Variants in RSPRY1 observed in about 807,000 individuals in gnomAD.
RSPRY1 encodes the protein ring finger and SPRY domain containing 1.
RSPRY1 carries 23 observed loss-of-function variants against 73.1 expected under a neutral mutation model. The ratio of observed to expected loss-of-function variants is 0.31; its 90% CI spans 0.23 to 0.45. The LOEUF (loss-of-function observed/expected upper bound fraction) is 0.45, where lower values mean the gene tolerates loss of function less well. Among genes scored for constraint, RSPRY1 ranks in the 20% least tolerant of loss-of-function variants. RSPRY1 has a pLI of 1.00. For missense variants in RSPRY1, 448 were observed against 698.7 expected, an observed-to-expected ratio of 0.64 and a Z score of 4.05; for synonymous variants, 226 against 251.4, an observed-to-expected ratio of 0.90 and a Z score of 0.95.
At chr16:57,201,444 G>A (rs1286088387) in intron 1 of RSPRY1, among the ~76,000 whole-genome samples, 3 of 150,268 alleles carry the variant, frequency 2.0e-5, no homozygotes, top group African/African-American at 7.3e-5. Flanking sequence ...TGGGATGGCG[G>A]CCGGGCAGAG....
rs752364013 is a variant in RSPRY1 at position 57,212,960 on chromosome 16, T to C, written c.517-12T>C. The C allele has an allele frequency of 1.2e-6, 2 of 1,613,146 alleles. No individual in the cohort carries two copies. Among genetic ancestry groups the C allele is most frequent in the South Asian group, 2.2e-5 (2 of 91,026 alleles). On this transcript the variant is annotated splice_polypyrimidine_tract_variant and intron_variant, in intron 4 of 14. Coordinates refer to ENST00000394420, the MANE Select transcript of RSPRY1 (RefSeq NM_133368.3). ...TATATGGGTCAAACCCACTTGTACT[T>C]TTTTGTTTTAGGATGCACTCCAGAA...
At chr16:57,203,516 T>G (rs182449629) in intron 1 of RSPRY1, among the ~76,000 whole-genome samples, 37 of 152,328 alleles carry the variant, frequency 2.4e-4, no homozygotes, top group African/African-American at 7.0e-4. Context: ...TTGTTTGTTT[T>G]TTTACTTTTT....
At chr16:57,197,077 C>G (rs1333483221) in intron 1 of RSPRY1, among the ~76,000 whole-genome samples, 1 of 152,166 alleles carries the variant, frequency 6.6e-6, no homozygotes, top group Non-Finnish European at 1.5e-5. Flanking sequence ...AATCTGTAAG[C>G]TCAGTTTTAT....
Position 57,186,438 on chromosome 16 carries a change from G to T in RSPRY1, c.-169G>T. 1.3e-5 allele frequency: 2 copies of T among 155,774 alleles called. No homozygotes were observed. Among genetic ancestry groups the T allele is most frequent in the South Asian group, 3.6e-4 (2 of 5,622 alleles). 9.6% of individuals were successfully genotyped at this position (155,774 alleles called of 1,614,324 possible). A position where few individuals can be genotyped will look rare whatever the true frequency, so the allele number is the denominator to read the frequency against. On this transcript the variant is annotated 5_prime_UTR_variant, in exon 1 of 15. Coordinates refer to ENST00000394420, the MANE Select transcript of RSPRY1 (RefSeq NM_133368.3). ...GCCGCCCCCTCCCTCCGGTGGGCCCGGGAGGTAGAGAAAGTCAGTGCCACA... is the reference window on the plus strand; with the variant it reads ...GCCGCCCCCTCCCTCCGGTGGGCCCTGGAGGTAGAGAAAGTCAGTGCCACA...
intron 4 of RSPRY1, among the ~76,000 whole-genome samples, chr16:57,210,550 C>T (rs754998355): frequency 2.0e-5 from 3 of 151,456 alleles, no homozygotes; most frequent in South Asian, 4.2e-4. Context: ...TAAAATACCC[C>T]GTCTCTACTA....
At position 57,239,017 on chromosome 16, in the gene RSPRY1, C is replaced by T. The variant is rs2075342537; in HGVS notation, c.*42C>T. On this transcript the variant is annotated 3_prime_UTR_variant, in exon 15 of 15. Coordinates refer to ENST00000394420, the MANE Select transcript of RSPRY1 (RefSeq NM_133368.3). ...TCGTGGACTTTTTTCTACTCAATTC[C>T]AGCCAATGTTGAAAAGAAAAAGAAA... The T allele has an allele frequency of 1.8e-6, 2 of 1,084,712 alleles. No homozygotes were observed. The highest frequency in any genetic ancestry group is 3.2e-5 in the African/African-American group (2 of 62,320). 67.2% of individuals were successfully genotyped at this position (1,084,712 alleles called of 1,614,324 possible).
At chr16:57,222,527 T>G (rs186032408) in intron 10 of RSPRY1, among the ~76,000 whole-genome samples, 1 of 152,362 alleles carries the variant, frequency 6.6e-6, no homozygotes, top group East Asian at 1.9e-4. Flanking sequence ...AGGTCAAGTC[T>G]GTACTCCTGT....
At chr16:57,188,867 T>C (rs997292120) in intron 1 of RSPRY1, among the ~76,000 whole-genome samples, 5 of 152,276 alleles carry the variant, frequency 3.3e-5, no homozygotes, top group Admixed American at 2.6e-4. Flanking sequence ...TGATCCTATA[T>C]TCTGTGGATC....
intron 8 of RSPRY1, among the ~76,000 whole-genome samples, chr16:57,217,247 C>G (rs1434697348): frequency 6.6e-6 from 1 of 152,162 alleles, no homozygotes; most frequent in Non-Finnish European, 1.5e-5. Context: ...TTTTCCTGTT[C>G]AAAAACCTTT....
intron 1 of RSPRY1, among the ~76,000 whole-genome samples, chr16:57,200,259 AT>A: frequency 1.3e-5 from 2 of 149,242 alleles, no homozygotes; most frequent in Middle Eastern, 6.8e-3. Context: ...AGGCAGAAGA[AT>A]TTTTCTTAGT....
chr16:57,201,293 C>A (rs1437961999), intron 1 of RSPRY1, among the ~76,000 whole-genome samples: 1 of 151,406 alleles, frequency 6.6e-6, no homozygotes, highest in African/African-American at 2.4e-5. Context: ...GGGCGGTTGC[C>A]AGGCAGAGGG....
intron 5 of RSPRY1, among the ~76,000 whole-genome samples, chr16:57,213,514 T>C (rs1160686923): frequency 6.6e-6 from 1 of 152,256 alleles, no homozygotes; most frequent in Non-Finnish European, 1.5e-5. Context: ...GTTGGAGCAG[T>C]TCCTGAGAAG....
chr16:57,226,594 A>G (rs2075124910), intron 10 of RSPRY1, among the ~76,000 whole-genome samples: 1 of 152,204 alleles, frequency 6.6e-6, no homozygotes, highest in African/African-American at 2.4e-5. Context: ...GGCACCTGTT[A>G]GAGTGTCTTT....
chr16:57,210,862 C>T (rs1269017055), intron 4 of RSPRY1, among the ~76,000 whole-genome samples: 1 of 150,558 alleles, frequency 6.6e-6, no homozygotes, highest in Non-Finnish European at 1.5e-5. Flanking sequence ...ACAAAAAAAT[C>T]CAAAAGTTAA....
At chr16:57,197,221 A>C (rs939009733) in intron 1 of RSPRY1, among the ~76,000 whole-genome samples, 2 of 149,104 alleles carry the variant, frequency 1.3e-5, no homozygotes, top group Admixed American at 1.3e-4. Context: ...CTTCTCTGTA[A>C]AAAAAAAATA....
chr16:57,188,425 G>A (rs1339812444), intron 1 of RSPRY1, among the ~76,000 whole-genome samples: 1 of 152,090 alleles, frequency 6.6e-6, no homozygotes. Flanking sequence ...ACTAGTGTTT[G>A]GTTCGTCGTA....
chr16:57,202,939 T>G (rs2074653128), intron 1 of RSPRY1, among the ~76,000 whole-genome samples: 1 of 148,378 alleles, frequency 6.7e-6, no homozygotes, highest in Non-Finnish European at 1.5e-5. Context: ...TTTTCTCTTT[T>G]TCTTCTATGT....
chr16:57,195,257 A>G (rs1427309954), intron 1 of RSPRY1, among the ~76,000 whole-genome samples: 3 of 152,180 alleles, frequency 2.0e-5, no homozygotes, highest in Non-Finnish European at 2.9e-5. Context: ...CACACCTGTA[A>G]TCCCAGCACT....
intron 9 of RSPRY1, 67 bp from the exon 10 acceptor site, chr16:57,221,205 G>A: frequency 6.4e-7 from 1 of 1,571,278 alleles, no homozygotes; most frequent in Non-Finnish European, 8.7e-7. Context: ...AACCTTCCCA[G>A]TAGTCAGTTA....
Sources: allele counts gnomAD v4.1 joint callset (sites outside exome capture counted in the v4.1 genomes callset), GRCh38; gene constraint gnomAD v4.1.1; transcripts MANE v1.5; gene names NCBI Gene and HGNC (gene_info 2026-07-23, HGNC 2026-07-21).